The following WWOX variants were observed in gnomAD, a reference collection of about 807,000 sequenced individuals.
The protein encoded by WWOX is WW domain containing oxidoreductase.
WWOX carries 69 observed loss-of-function variants against 46.2 expected under a neutral mutation model. The ratio of observed to expected loss-of-function variants is 1.49; its 90% confidence interval spans 1.23 to 1.82. The LOEUF is 1.82. Among genes scored for constraint, WWOX ranks in the 40% most tolerant of loss-of-function variants. The probability of loss-of-function intolerance (pLI) is 0.00; values close to 1 mark genes in which losing one functional copy is unlikely to be tolerated. For synonymous variants in WWOX, 359 were observed against 202.6 expected (o/e 1.77, Z -6.56); for missense variants, 919 against 542.6 (o/e 1.69, Z -6.89).
chr16:78,666,292 A>G (rs2047331691), intron 8 of WWOX, among the ~76,000 whole-genome samples: 1 of 151,952 alleles, frequency 6.6e-6, no homozygotes, highest in South Asian at 2.1e-4. Context: ...CTGTCTCTTT[A>G]AAAATAAATA....
chr16:79,060,143 CT>C, intron 8 of WWOX, among the ~76,000 whole-genome samples: 1 of 152,204 alleles, frequency 6.6e-6, no homozygotes, highest in Non-Finnish European at 1.5e-5. Context: ...CTCACCTATA[CT>C]TGGGCAGTGG....
chr16:78,132,400 G>T (rs1324309212), intron 4 of WWOX, among the ~76,000 whole-genome samples: 1 of 152,182 alleles, frequency 6.6e-6, no homozygotes, highest in Non-Finnish European at 1.5e-5. Context: ...TCTACAGTAG[G>T]TATGGAGTGA....
chr16:78,680,897 G>A (rs1055843711), intron 8 of WWOX, among the ~76,000 whole-genome samples: 2 of 152,076 alleles, frequency 1.3e-5, no homozygotes, highest in African/African-American at 2.4e-5. Context: ...GAAAGTTTGA[G>A]CCTAGGAGTT....
intron 6 of WWOX, among the ~76,000 whole-genome samples, chr16:78,409,161 C>A (rs2082616028): frequency 6.6e-6 from 1 of 152,066 alleles, no homozygotes; most frequent in Admixed American, 6.5e-5. Flanking sequence ...AGGATGTGAT[C>A]AGTGCTTTTA....
At chr16:78,754,551 G>A (rs373431829) in intron 8 of WWOX, among the ~76,000 whole-genome samples, 1 of 151,956 alleles carries the variant, frequency 6.6e-6, no homozygotes, top group East Asian at 1.9e-4. Flanking sequence ...CCAAATAAAT[G>A]GTATTTATTA....
intron 8 of WWOX, among the ~76,000 whole-genome samples, chr16:78,612,978 C>T (rs1212702077): frequency 6.6e-6 from 1 of 152,178 alleles, no homozygotes; most frequent in Non-Finnish European, 1.5e-5. Context: ...TTTCACCCTA[C>T]CTGTGGATCT....
At chr16:78,539,163 C>A (rs11640955) in intron 8 of WWOX, among the ~76,000 whole-genome samples, 14,592 of 152,208 alleles carry the variant, frequency 0.096, 966 homozygotes, top group South Asian at 0.25. Context: ...TTGGTTTTCC[C>A]CTAGACTTTG....
intron 8 of WWOX, among the ~76,000 whole-genome samples, chr16:79,059,083 G>T (rs948892901): frequency 6.6e-6 from 1 of 152,120 alleles, no homozygotes; most frequent in Non-Finnish European, 1.5e-5. Flanking sequence ...ATCTCCTTTT[G>T]AAAATGACAT....
At chr16:78,219,323 G>A (rs144144854) in intron 5 of WWOX, among the ~76,000 whole-genome samples, 347 of 152,200 alleles carry the variant, frequency 2.3e-3, no homozygotes, top group African/African-American at 8.0e-3. Context: ...GTTAATTTGC[G>A]CCATCTACTA....
chr16:78,800,588 A>G (rs1280227521), intron 8 of WWOX, among the ~76,000 whole-genome samples: 1 of 152,182 alleles, frequency 6.6e-6, no homozygotes, highest in Non-Finnish European at 1.5e-5. Flanking sequence ...ACTGTGATAG[A>G]ATTTGCCATT....
intron 8 of WWOX, among the ~76,000 whole-genome samples, chr16:79,032,144 AAAAC>A (rs1046629829): frequency 2.7e-5 from 4 of 145,456 alleles, no homozygotes; most frequent in Non-Finnish European, 6.0e-5. Context: ...TTGTTAGGGT[AAAAC>A]AAAGTCTATA....
At position 78,933,905 on chromosome 16, in the gene WWOX, A is replaced by C. The variant is rs187829475; in HGVS notation, c.1057-277703A>C. On this transcript the variant is annotated intron_variant, in intron 8 of 8. Coordinates refer to ENST00000566780, the MANE Select transcript of WWOX (RefSeq NM_016373.4). ...CACAGCTAAACCATATCAAAACATA[A>C]CTATAGCTGGGTGAAGTGGCTCGCA... Among the ~76,000 whole-genome samples the C allele has an allele frequency of 9.4e-4, 143 of 152,134 alleles. 1 individual carries two copies. Among genetic ancestry groups the C allele is most frequent in the Non-Finnish European group, 1.7e-3 (115 of 68,000 alleles).
intron 8 of WWOX, among the ~76,000 whole-genome samples, chr16:78,803,062 A>T (rs924035843): frequency 4.6e-5 from 7 of 151,244 alleles, no homozygotes; most frequent in African/African-American, 1.7e-4. Flanking sequence ...AGTATCTAGT[A>T]GGTGCTTTAT....
intron 8 of WWOX, chr16:78,899,640 T>C (rs1284136465): frequency 6.6e-6 from 1 of 152,236 alleles, no homozygotes; most frequent in African/African-American, 2.4e-5. Flanking sequence ...AAAGATATGA[T>C]GACTAGTTGG....
chr16:78,818,046 G>T (rs996320769), intron 8 of WWOX, among the ~76,000 whole-genome samples: 1 of 152,194 alleles, frequency 6.6e-6, no homozygotes, highest in Non-Finnish European at 1.5e-5. Flanking sequence ...AAGGGTCTCA[G>T]TCAACCTTAT....
At chr16:78,481,423 A>G (rs1236004076) in intron 8 of WWOX, among the ~76,000 whole-genome samples, 3 of 152,186 alleles carry the variant, frequency 2.0e-5, no homozygotes, top group Admixed American at 6.6e-5. Context: ...AAAAGGTTTC[A>G]TAAATGGGGA....
chr16:79,106,132 C>T lies in WWOX; in HGVS notation c.1057-105476C>T, dbSNP rs1460975777. On this transcript the variant is annotated intron_variant, in intron 8 of 8. Coordinates refer to ENST00000566780, the MANE Select transcript of WWOX (RefSeq NM_016373.4). Reference sequence around the variant, plus strand: ...TTGTTAGAAATGGAAATTCTTAGGCCACTCCCCAGACCTACTGCGTCTGGG... The same window carrying T: ...TTGTTAGAAATGGAAATTCTTAGGCTACTCCCCAGACCTACTGCGTCTGGG... 3.3e-5 allele frequency: 5 copies of T among 152,320 alleles called. No individual in the cohort carries two copies. The East Asian group carries it at 5.8e-4, about 18-fold the overall frequency. The allele number at this position is 152,320 out of a possible 1,614,324, so 9.4% of individuals were successfully genotyped here.
intron 8 of WWOX, among the ~76,000 whole-genome samples, chr16:78,654,817 A>G (rs1202865276): frequency 6.6e-6 from 1 of 151,972 alleles, no homozygotes; most frequent in Non-Finnish European, 1.5e-5. Context: ...TTTTGGAAAT[A>G]GACCAGTGAT....
chr16:78,140,239 C>T (rs571687848), intron 4 of WWOX, among the ~76,000 whole-genome samples: 18 of 152,148 alleles, frequency 1.2e-4, no homozygotes, highest in Non-Finnish European at 2.6e-4. Context: ...ACCCCCTGCA[C>T]CATGCTCAGG....
Sources: gnomAD v4.1 joint callset for allele counts (sites outside exome capture counted in the v4.1 genomes callset) on GRCh38, gnomAD v4.1.1 for gene constraint, MANE v1.5 for transcripts, NCBI Gene and HGNC (gene_info 2026-07-23, HGNC 2026-07-21) for gene names.